Variants in ZNF836 observed in about 807,000 individuals in gnomAD.
ZNF836 encodes the protein zinc finger protein 836.
ZNF836 carries 12 observed loss-of-function variants against 7.4 expected under a neutral mutation model. The ratio of observed to expected loss-of-function variants is 1.61; its 90% CI spans 1.03 to 2.61. ZNF836 has a LOEUF of 2.61. ZNF836 is among the 30% of genes most tolerant of loss of function. The pLI, the probability that ZNF836 is intolerant of heterozygous loss-of-function variation, is 0.00. For synonymous variants in ZNF836, 365 were observed against 382.6 expected (o/e 0.95, Z 0.54); for missense variants, 998 against 1,126.2 (o/e 0.89, Z 1.63).
intron 2 of ZNF836, among the ~76,000 whole-genome samples, chr19:52,169,216 A>C (rs75758880): frequency 0.027 from 4,089 of 152,330 alleles, 186 homozygotes; most frequent in African/African-American, 0.094. Context: ...TATTTATAGA[A>C]AGGCAGATAT....
chr19:52,160,320 A>G (rs1241545903), intron 4 of ZNF836, 145 bp downstream of exon 4: 1 of 935,996 alleles, frequency 1.1e-6, no homozygotes, highest in South Asian at 1.5e-5. Flanking sequence ...GAAAGGCCAG[A>G]TGCAGCATTA....
At chr19:52,170,149 T>C (rs2089296895) in intron 1 of ZNF836, among the ~76,000 whole-genome samples, 1 of 152,118 alleles carries the variant, frequency 6.6e-6, no homozygotes, top group Admixed American at 6.6e-5. Flanking sequence ...TCTTCACTAT[T>C]GTGTGTGTCC....
Position 52,155,425 on chromosome 19 carries a change from A to G in ZNF836, c.2258T>C (p.Ile753Thr), listed in dbSNP as rs1284068263. ...RHTGEMPYKC[I>T]ECGQVFNSTS... Reference sequence around the variant, plus strand: ...GGAATTAAAGACCTGGCCACATTCAATACATTTGTATGGCATCTCTCCAGT... The same window carrying G: ...GGAATTAAAGACCTGGCCACATTCAGTACATTTGTATGGCATCTCTCCAGT... The change falls in exon 5 of 5, where the codon ATT becomes ACT. Residue 753 changes from isoleucine (I) to threonine (T), a missense_variant. Ile to Thr is a moderately conservative substitution (Grantham distance 89). Coordinates refer to ENST00000682614, the MANE Select transcript of ZNF836 (RefSeq NM_001102657.3). 6.2e-7 allele frequency: 1 copy of G among 1,613,856 alleles called. No individual in the cohort carries two copies. Among genetic ancestry groups the G allele is most frequent in the Non-Finnish European group, 8.5e-7 (1 of 1,179,976 alleles).
In ZNF836 at chr19:52,156,654, T is replaced by A. The variant is rs751036126; in HGVS notation, c.1029A>T (p.Ser343=). ...GGATTATCTGATGTGTAGTGAGGCA[T>A]GAGCCTTGTTTGAAGGTTTTCCCAC... ...NECGKTFKQG[S]CLTTHQIIHT... The change falls in exon 5 of 5, where the codon TCA becomes TCT. Residue 343 remains serine, a synonymous_variant. Transcript: ENST00000682614. 2 of 1,613,366 alleles carry A rather than the reference T, an allele frequency of 1.2e-6. No homozygotes were observed. The highest frequency in any genetic ancestry group is 1.6e-4 in the Middle Eastern group (1 of 6,080).
Position 52,155,690 on chromosome 19 carries a change from G to T in ZNF836, c.1993C>A (p.Pro665Thr), listed in dbSNP as rs368609605. 6.8e-6 allele frequency: 11 copies of T among 1,614,176 alleles called. 1 individual carries two copies. The highest frequency in any genetic ancestry group is 4.5e-5 in the East Asian group (2 of 44,878). The change falls in exon 5 of 5, where the codon CCT becomes ACT. Residue 665 changes from proline (P) to threonine (T), a missense_variant. Pro to Thr is a conservative substitution (Grantham distance 38). Transcript: ENST00000682614. ...TTGCCACAATCATTACATTTGTAAG[G>T]TTTCTCTCCGGTATGAATTTTCCGA... ...RHRKIHTGEKPYKCNDCGKAY... is the reference protein window; with the variant it reads ...RHRKIHTGEKTYKCNDCGKAY...
intron 2 of ZNF836, 81 bp from the exon 3 acceptor site, chr19:52,168,233 C>T: frequency 1.1e-6 from 1 of 886,048 alleles, no homozygotes; most frequent in Non-Finnish European, 1.7e-6. Context: ...CAGGGAAGAC[C>T]TCAGCATGTG....
At position 52,157,289 on chromosome 19, in the gene ZNF836, C is replaced by T. The variant is rs2089173657; in HGVS notation, c.394G>A (p.Val132Ile). The change falls in exon 5 of 5, where the codon GTA becomes ATA. Residue 132 changes from valine (V) to isoleucine (I), a missense_variant. Coordinates refer to ENST00000682614, the MANE Select transcript of ZNF836 (RefSeq NM_001102657.3). ...GKRGQHSQED[V>I]ENKCIENQLT... ...TGATTTTCAATACATTTGTTTTCTA[C>T]ATCCTCTTGACTATGTTGACCTCTT... 4 of 1,605,916 alleles carry T rather than the reference C, an allele frequency of 2.5e-6. No individual in the cohort carries two copies. Among genetic ancestry groups the T allele is most frequent in the East Asian group, 2.2e-5 (1 of 44,738 alleles).
At chr19:52,170,929 C>T (rs1363852012) in intron 1 of ZNF836, among the ~76,000 whole-genome samples, 2 of 142,660 alleles carry the variant, frequency 1.4e-5, no homozygotes, top group Admixed American at 1.4e-4. Flanking sequence ...TGACCTCCCC[C>T]AAGGGGGGGA....
In ZNF836 at chr19:52,154,673, A is replaced by C; in HGVS notation, c.*199T>G. 4.4e-6 allele frequency: 2 copies of C among 457,300 alleles called. No individual in the cohort carries two copies. Among genetic ancestry groups the C allele is most frequent in the Non-Finnish European group, 7.5e-6 (2 of 268,102 alleles). 28.3% of individuals were successfully genotyped at this position (457,300 alleles called of 1,614,324 possible). A position where few individuals can be genotyped will look rare whatever the true frequency, so the allele number is the denominator to read the frequency against. On this transcript the variant is annotated 3_prime_UTR_variant, in exon 5 of 5. Transcript: ENST00000682614. ...GACTCCGTCTCAAAAAAGCAAAACAAACAAAAAAACAAGATCTCACCAGAA... is the reference window on the plus strand; with the variant it reads ...GACTCCGTCTCAAAAAAGCAAAACACACAAAAAAACAAGATCTCACCAGAA...
At chr19:52,160,869 T>C (rs763268123) in intron 3 of ZNF836, among the ~76,000 whole-genome samples, 3 of 152,232 alleles carry the variant, frequency 2.0e-5, no homozygotes, top group Non-Finnish European at 2.9e-5. Context: ...AAGTATTAGA[T>C]ATTATGTTCA....
At chr19:52,168,700 A>G (rs117835699) in intron 2 of ZNF836, among the ~76,000 whole-genome samples, 2 of 152,348 alleles carry the variant, frequency 1.3e-5, no homozygotes, top group East Asian at 3.8e-4. Context: ...GTACATATGT[A>G]TAATGGACTT....
intron 3 of ZNF836, among the ~76,000 whole-genome samples, chr19:52,163,513 G>A (rs565954811): frequency 1.7e-4 from 26 of 152,066 alleles, no homozygotes; most frequent in African/African-American, 4.8e-4. Context: ...GGTGGCTCAC[G>A]CCTGTAATCC....
intron 2 of ZNF836, among the ~76,000 whole-genome samples, chr19:52,169,020 AG>A (rs1035421855): frequency 5.1e-4 from 78 of 152,358 alleles, no homozygotes; most frequent in South Asian, 2.1e-3. Flanking sequence ...GAAGAAGTTC[AG>A]GGGAATCTAA....
rs1229880741 is a variant in ZNF836 at position 52,168,345 on chromosome 19, T to TA, written c.-80-194dup. Among the ~76,000 whole-genome samples the TA allele has an allele frequency of 3.9e-5, 6 of 152,020 alleles. No individual in the cohort carries two copies. In the East Asian group the frequency reaches 1.2e-3, roughly 29 times the overall value. Reference sequence around the variant, plus strand: ...GCTCACGCCTGTAATCCCAGCACCTTAGGAGGCAGAGGCGGGCAGATCAAC... The same window carrying TA: ...GCTCACGCCTGTAATCCCAGCACCTTAAGGAGGCAGAGGCGGGCAGATCAAC... On this transcript the variant is annotated intron_variant, in intron 2 of 4. Coordinates refer to ENST00000682614, the MANE Select transcript of ZNF836 (RefSeq NM_001102657.3).
intron 3 of ZNF836, among the ~76,000 whole-genome samples, chr19:52,167,743 C>T (rs1013360030): frequency 2.0e-5 from 3 of 152,148 alleles, no homozygotes; most frequent in Admixed American, 6.6e-5. Flanking sequence ...GAGCTGACTG[C>T]ATCCTGATTT....
chr19:52,157,623 T>C lies in ZNF836; in HGVS notation c.143-83A>G, dbSNP rs1037416825. On this transcript the variant is annotated intron_variant, in intron 4 of 4. Transcript: ENST00000682614. ...TCTTGCTCTGTTGCCCAGGCTGGAG[T>C]GGAGTGGCACAATCTCAGCTCACTG... The C allele has an allele frequency of 8.4e-6, 11 of 1,315,392 alleles. No homozygotes were observed. The African/African-American group carries it at 9.1e-5, about 11-fold the overall frequency. The allele number at this position is 1,315,392 out of a possible 1,614,324, so 81.5% of individuals were successfully genotyped here. A position where few individuals can be genotyped will look rare whatever the true frequency, so the allele number is the denominator to read the frequency against.
chr19:52,162,424 C>T (rs1465995212), intron 3 of ZNF836, among the ~76,000 whole-genome samples: 1 of 152,242 alleles, frequency 6.6e-6, no homozygotes, highest in African/African-American at 2.4e-5. Flanking sequence ...CGTGAGTCCA[C>T]ATCTCATGCC....
intron 2 of ZNF836, among the ~76,000 whole-genome samples, chr19:52,168,678 T>A (rs2089285827): frequency 6.6e-6 from 1 of 152,206 alleles, no homozygotes; most frequent in South Asian, 2.1e-4. Flanking sequence ...TATATAGATA[T>A]ATATAGTATG....
Position 52,168,046 on chromosome 19 carries a change from A to G in ZNF836, c.15+12T>C. 1.3e-6 allele frequency: 2 copies of G among 1,580,570 alleles called. No individual in the cohort carries two copies. Among genetic ancestry groups the G allele is most frequent in the Non-Finnish European group, 8.7e-7 (1 of 1,150,358 alleles). Reference sequence around the variant, plus strand: ...AAGGAGACAGAATGATCCACTAAGAATATCATTTTACCTGTGTAAGAGCCA... The same window carrying G: ...AAGGAGACAGAATGATCCACTAAGAGTATCATTTTACCTGTGTAAGAGCCA... On this transcript the variant is annotated intron_variant, in intron 3 of 4. Coordinates refer to ENST00000682614, the MANE Select transcript of ZNF836 (RefSeq NM_001102657.3).
Sources: allele counts gnomAD v4.1 joint callset (sites outside exome capture counted in the v4.1 genomes callset), GRCh38; gene constraint gnomAD v4.1.1; transcripts MANE v1.5; gene names NCBI Gene and HGNC (gene_info 2026-07-23, HGNC 2026-07-21).